Variants in SLC1A1 observed in about 807,000 individuals in gnomAD.
The protein encoded by SLC1A1 is solute carrier family 1 member 1.
In SLC1A1, 43 loss-of-function variants were observed where a neutral mutation model predicts 53.3. The ratio of observed to expected loss-of-function variants is 0.81; its 90% CI spans 0.63 to 1.04. The LOEUF is 1.04. Ranked by LOEUF, SLC1A1 falls within the 50% of genes least tolerant of loss-of-function variation. The pLI, the probability that SLC1A1 is intolerant of heterozygous loss-of-function variation, is 0.00. For synonymous variants in SLC1A1, 307 were observed against 243.2 expected, an observed-to-expected ratio of 1.26 and a Z score of -2.44; for missense variants, 748 against 664.9, an observed-to-expected ratio of 1.12 and a Z score of -1.37.
chr9:4,503,099 C>G (rs184904011), intron 1 of SLC1A1, among the ~76,000 whole-genome samples: 1 of 151,732 alleles, frequency 6.6e-6, no homozygotes, highest in Non-Finnish European at 1.5e-5. Context: ...GATAATCTCC[C>G]TTCTCTACAT....
intron 1 of SLC1A1, among the ~76,000 whole-genome samples, chr9:4,528,915 C>A (rs763511842): frequency 6.6e-6 from 1 of 152,104 alleles, no homozygotes; most frequent in African/African-American, 2.4e-5. Context: ...CAAAACTGAA[C>A]TCATCATCTT....
intron 2 of SLC1A1, among the ~76,000 whole-genome samples, chr9:4,552,658 G>C (rs1411931237): frequency 5.3e-5 from 8 of 152,032 alleles, no homozygotes. Context: ...GGGCAAGAGA[G>C]TCCAGTGGTT....
intron 1 of SLC1A1, among the ~76,000 whole-genome samples, chr9:4,498,061 G>A (rs185195976): frequency 3.9e-5 from 6 of 152,294 alleles, no homozygotes; most frequent in Admixed American, 2.6e-4. Context: ...AGTAATTGTT[G>A]ACTTGGGTTA....
At chr9:4,520,649 T>C (rs1816035448) in intron 1 of SLC1A1, among the ~76,000 whole-genome samples, 1 of 152,234 alleles carries the variant, frequency 6.6e-6, no homozygotes. Context: ...GATACAATAT[T>C]TTGTTTATCC....
intron 8 of SLC1A1, among the ~76,000 whole-genome samples, chr9:4,574,686 G>T (rs1820383389): frequency 6.6e-6 from 1 of 152,072 alleles, no homozygotes. Flanking sequence ...GGTGCCCCTG[G>T]ACACCTAGAC....
At chr9:4,567,807 G>C in intron 6 of SLC1A1, 40 bp downstream of exon 6, 1 of 1,223,436 alleles carries the variant, frequency 8.2e-7, no homozygotes. Context: ...CCAGGAGACA[G>C]GCACTGAGTC....
chr9:4,509,848 T>C (rs1375511324), intron 1 of SLC1A1, among the ~76,000 whole-genome samples: 1 of 152,196 alleles, frequency 6.6e-6, no homozygotes, highest in African/African-American at 2.4e-5. Context: ...ATTATTTATT[T>C]ACTGAGATGG....
intron 10 of SLC1A1, among the ~76,000 whole-genome samples, chr9:4,577,381 G>A (rs1820654343): frequency 6.6e-6 from 1 of 152,234 alleles, no homozygotes; most frequent in Non-Finnish European, 1.5e-5. Flanking sequence ...TTAAACGAAT[G>A]AGGAGGCAGG....
At chr9:4,503,220 C>T (rs994512930) in intron 1 of SLC1A1, among the ~76,000 whole-genome samples, 45 of 151,948 alleles carry the variant, frequency 3.0e-4, no homozygotes, top group African/African-American at 1.1e-3. Context: ...TGAGCTCTGT[C>T]ATGGCCTCAG....
intron 1 of SLC1A1, among the ~76,000 whole-genome samples, chr9:4,533,634 T>C (rs1816561123): frequency 6.6e-6 from 1 of 152,156 alleles, no homozygotes; most frequent in South Asian, 2.1e-4. Flanking sequence ...AACACCCCAC[T>C]GTCAACATTA....
chr9:4,560,559 CT>C (rs35266152), intron 2 of SLC1A1, among the ~76,000 whole-genome samples: 2 of 152,004 alleles, frequency 1.3e-5, no homozygotes, highest in Non-Finnish European at 2.9e-5. Flanking sequence ...ACCTTTTCTC[CT>C]TTTTCAGATA....
intron 2 of SLC1A1, among the ~76,000 whole-genome samples, chr9:4,552,456 C>T (rs1217205567): frequency 1.3e-5 from 2 of 151,990 alleles, no homozygotes; most frequent in Admixed American, 6.6e-5. Context: ...GACAGTGAGA[C>T]TTGAAGTGCG....
rs563701029 is a variant in SLC1A1, at chr9:4,499,047, T to C, written c.91+8277T>C. ...ATTACATATTATATATGTATATATA[T>C]ATCTTTTTTTTTTTTGAGAACAAGT... On this transcript the variant is annotated intron_variant, in intron 1 of 11. Coordinates refer to ENST00000262352, the MANE Select transcript of SLC1A1 (RefSeq NM_004170.6). 7.9e-3 allele frequency among the ~76,000 whole-genome samples: 578 copies of C among 73,500 alleles called. 6 individuals are homozygous for C. Among genetic ancestry groups the C allele is most frequent in the African/African-American group, 0.036 (557 of 15,518 alleles). The allele number at this position is 73,500 out of a possible 152,430, so 48.2% of individuals were successfully genotyped here.
rs1821521232 is a variant in SLC1A1, at chr9:4,585,635, G to A, written c.*77G>A. 6.5e-7 allele frequency: 1 copy of A among 1,547,712 alleles called. No homozygotes were observed. The highest frequency in any genetic ancestry group is 1.7e-5 in the Admixed American group (1 of 59,846). ...CATCTCAAACACTGCTTAAGGAAAA[G>A]AGAAACACTAATGGCCAAGTGTACA... On this transcript the variant is annotated 3_prime_UTR_variant, in exon 12 of 12. Coordinates refer to ENST00000262352, the MANE Select transcript of SLC1A1 (RefSeq NM_004170.6).
intron 1 of SLC1A1, among the ~76,000 whole-genome samples, chr9:4,510,736 T>C (rs1366371387): frequency 3.3e-5 from 5 of 152,226 alleles, no homozygotes; most frequent in African/African-American, 9.6e-5. Flanking sequence ...CAAGACTCCA[T>C]GGCCTTAGCC....
At chr9:4,570,573 G>C (rs927043623) in intron 6 of SLC1A1, among the ~76,000 whole-genome samples, 1 of 152,012 alleles carries the variant, frequency 6.6e-6, no homozygotes, top group Non-Finnish European at 1.5e-5. Flanking sequence ...GTTTCACCAT[G>C]TTGGCCAGGC....
At chr9:4,501,593 C>T (rs2130800463) in intron 1 of SLC1A1, among the ~76,000 whole-genome samples, 1 of 151,620 alleles carries the variant, frequency 6.6e-6, no homozygotes, top group South Asian at 2.1e-4. Flanking sequence ...GGAGAAACCC[C>T]ATCTCTACTA....
rs1821523015 is a variant in SLC1A1 at position 4,585,657 on chromosome 9, T to C, written c.*99T>C. ...AAAGAGAAACACTAATGGCCAAGTG[T>C]ACATTTGATTTGATATACAGACCTC... On this transcript the variant is annotated 3_prime_UTR_variant, in exon 12 of 12. Transcript: ENST00000262352. 1 of 1,420,656 alleles carries C rather than the reference T, an allele frequency of 7.0e-7. No homozygotes were observed. The highest frequency in any genetic ancestry group is 1.4e-5 in the African/African-American group (1 of 71,104). 88.0% of individuals were successfully genotyped at this position (1,420,656 alleles called of 1,614,324 possible).
At chr9:4,563,557 T>C (rs1819188210) in intron 3 of SLC1A1, among the ~76,000 whole-genome samples, 1 of 152,166 alleles carries the variant, frequency 6.6e-6, no homozygotes, top group African/African-American at 2.4e-5. Flanking sequence ...GGATTACCAT[T>C]GCCTCTTCTT....
Sources: allele counts gnomAD v4.1 joint callset (sites outside exome capture counted in the v4.1 genomes callset), GRCh38; gene constraint gnomAD v4.1.1; transcripts MANE v1.5; gene names NCBI Gene and HGNC (gene_info 2026-07-23, HGNC 2026-07-21).